CHL1: variants seen among roughly 807,000 people sequenced by gnomAD.
CHL1 encodes the protein cell adhesion molecule L1 like.
CHL1 carries 96 observed loss-of-function variants against 141.9 expected under a neutral mutation model. The ratio of observed to expected loss-of-function variants is 0.68; its 90% confidence interval spans 0.57 to 0.80. The LOEUF is 0.80. Among genes scored for constraint, CHL1 ranks in the 30% least tolerant of loss-of-function variants. The pLI, the probability that CHL1 is intolerant of heterozygous loss-of-function variation, is 0.00. For missense variants in CHL1, 1,820 were observed against 1,457.2 expected, an observed-to-expected ratio of 1.25 and a Z score of -4.05; for synonymous variants, 613 against 502.2, an observed-to-expected ratio of 1.22 and a Z score of -2.95.
intron 2 of CHL1, among the ~76,000 whole-genome samples, chr3:307,337 C>T (rs537764763): frequency 6.6e-6 from 1 of 152,320 alleles, no homozygotes; most frequent in East Asian, 1.9e-4. Flanking sequence ...CACAAACGTA[C>T]ACTTCACAGA....
At chr3:204,159 A>G (rs1442281544) in intron 1 of CHL1, among the ~76,000 whole-genome samples, 3 of 152,236 alleles carry the variant, frequency 2.0e-5, no homozygotes, top group Non-Finnish European at 4.4e-5. Flanking sequence ...ATGCTTTCTA[A>G]GATGAGAGCT....
chr3:384,612 G>C (rs1707449976), intron 19 of CHL1: 1 of 152,192 alleles, frequency 6.6e-6, no homozygotes, highest in African/African-American at 2.4e-5. Flanking sequence ...TTCTGTAACA[G>C]TGGGGCATTT....
intron 2 of CHL1, among the ~76,000 whole-genome samples, chr3:263,549 TA>T (rs1250859560): frequency 1.3e-5 from 2 of 152,228 alleles, no homozygotes; most frequent in African/African-American, 4.8e-5. Flanking sequence ...TAAGACATCA[TA>T]AAATATCCCT....
intron 2 of CHL1, among the ~76,000 whole-genome samples, chr3:265,860 C>T (rs1695104180): frequency 1.3e-5 from 2 of 152,138 alleles, no homozygotes; most frequent in South Asian, 4.1e-4. Flanking sequence ...GGAGAGATTT[C>T]TCCTCAGTAT....
intron 1 of CHL1, among the ~76,000 whole-genome samples, chr3:206,831 G>A (rs1699483346): frequency 6.6e-6 from 1 of 152,182 alleles, no homozygotes; most frequent in Admixed American, 6.5e-5. Flanking sequence ...AAATGTTTCT[G>A]ATACTCTATG....
chr3:280,769 G>C (rs1218932940), intron 2 of CHL1, among the ~76,000 whole-genome samples: 1 of 152,082 alleles, frequency 6.6e-6, no homozygotes, highest in Non-Finnish European at 1.5e-5. Context: ...TGGTTGGGTG[G>C]GTAGTAAGTT....
chr3:408,536 A>C lies in CHL1; in HGVS notation c.*2825A>C, dbSNP rs1053922105. 1 of 152,144 alleles carries C rather than the reference A, an allele frequency of 6.6e-6. No homozygotes were observed. The highest frequency in any genetic ancestry group is 1.5e-5 in the Non-Finnish European group (1 of 68,008). The allele number at this position is 152,144 out of a possible 1,614,324, so 9.4% of individuals were successfully genotyped here. A position where few individuals can be genotyped will look rare whatever the true frequency, so the allele number is the denominator to read the frequency against. On this transcript the variant is annotated 3_prime_UTR_variant, in exon 28 of 28. Transcript: ENST00000256509. ...TCTTTTTTATGAAGAAAAATTTGAA[A>C]ATGATAAAAGCTAAGATGCCTTCTA...
At chr3:259,070 A>G (rs558336146) in intron 2 of CHL1, among the ~76,000 whole-genome samples, 5 of 151,218 alleles carry the variant, frequency 3.3e-5, no homozygotes, top group African/African-American at 9.8e-5. Context: ...GGTAACTGGC[A>G]TTACAGGCAC....
At chr3:242,441 A>T (rs12374186) in intron 1 of CHL1, among the ~76,000 whole-genome samples, 1 of 131,286 alleles carries the variant, frequency 7.6e-6, no homozygotes, top group Non-Finnish European at 1.6e-5. Context: ...CTAAAAATAC[A>T]AAAAATTATC....
chr3:343,311 C>A (rs1260065986), intron 8 of CHL1, among the ~76,000 whole-genome samples: 1 of 151,778 alleles, frequency 6.6e-6, no homozygotes, highest in Admixed American at 6.6e-5. Flanking sequence ...TTTGGGTCTC[C>A]CAAAACGTCT....
At chr3:402,729 C>G (rs1265501362) in intron 27 of CHL1, among the ~76,000 whole-genome samples, 1 of 151,828 alleles carries the variant, frequency 6.6e-6, no homozygotes, top group Non-Finnish European at 1.5e-5. Flanking sequence ...TAGTCAATAC[C>G]CTTTTTATAT....
intron 27 of CHL1, among the ~76,000 whole-genome samples, chr3:404,208 G>A (rs916400448): frequency 2.0e-5 from 3 of 152,124 alleles, no homozygotes; most frequent in Non-Finnish European, 1.5e-5. Context: ...AGAGACACAT[G>A]TCACCTTTGC....
At chr3:299,045 G>C (rs1453025766) in intron 2 of CHL1, among the ~76,000 whole-genome samples, 1 of 152,132 alleles carries the variant, frequency 6.6e-6, no homozygotes, top group Non-Finnish European at 1.5e-5. Context: ...TACAAGTTTT[G>C]AGTATACTTA....
At chr3:361,444 A>G (rs1704238907) in intron 12 of CHL1, among the ~76,000 whole-genome samples, 2 of 149,676 alleles carry the variant, frequency 1.3e-5, no homozygotes, top group African/African-American at 4.9e-5. Context: ...AACCTACAAA[A>G]TGGGAGAAAA....
intron 1 of CHL1, among the ~76,000 whole-genome samples, chr3:236,195 C>G (rs13077665): frequency 0.51 from 77,085 of 151,956 alleles, 21,170 homozygotes; most frequent in Non-Finnish European, 0.61. Flanking sequence ...GGAGCTTTGT[C>G]ATATCCACAT....
At chr3:369,306 G>C (rs1181526896) in intron 15 of CHL1, among the ~76,000 whole-genome samples, 2 of 151,816 alleles carry the variant, frequency 1.3e-5, no homozygotes, top group Non-Finnish European at 2.9e-5. Context: ...CCTTGAAGAG[G>C]TCCTTTGCAT....
intron 1 of CHL1, among the ~76,000 whole-genome samples, chr3:234,233 A>G (rs1012364405): frequency 6.6e-6 from 1 of 151,542 alleles, no homozygotes; most frequent in Non-Finnish European, 1.5e-5. Flanking sequence ...ATGTATACAT[A>G]TATATTTGTA....
Position 390,304 on chromosome 3 carries a change from T to A in CHL1, c.2471-397T>A, listed in dbSNP as rs1159403363. ...GGTTGTATGAACCAATTTAGGTAAGTCCCTTAGAACAGTGCCTGACACATA... is the reference window on the plus strand; with the variant it reads ...GGTTGTATGAACCAATTTAGGTAAGACCCTTAGAACAGTGCCTGACACATA... On this transcript the variant is annotated intron_variant, in intron 20 of 27. Transcript: ENST00000256509. Among the ~76,000 whole-genome samples the A allele has an allele frequency of 5.5e-4, 84 of 152,224 alleles. 2 individuals carry two copies. Among genetic ancestry groups the A allele is most frequent in the Non-Finnish European group, 1.6e-4 (11 of 68,040 alleles).
rs557336883 is a variant in CHL1 at position 261,955 on chromosome 3, G to A, written c.-95+17263G>A. On this transcript the variant is annotated intron_variant, in intron 2 of 27. Transcript: ENST00000256509. ...AGATCTACACAGTACTCACAGGGCA[G>A]GATTCACACGTTTAAGCCTAGATCT... 6.4e-4 allele frequency among the ~76,000 whole-genome samples: 90 copies of A among 140,724 alleles called. 2 individuals are homozygous for A. The highest frequency in any genetic ancestry group is 2.3e-3 in the African/African-American group (85 of 36,672). 92.3% of individuals were successfully genotyped at this position (140,724 alleles called of 152,430 possible).
Sources: gnomAD v4.1 joint callset for allele counts (sites outside exome capture counted in the v4.1 genomes callset) on GRCh38, gnomAD v4.1.1 for gene constraint, MANE v1.5 for transcripts, NCBI Gene and HGNC (gene_info 2026-07-23, HGNC 2026-07-21) for gene names.